PTCH2: variants seen among roughly 807,000 people sequenced by gnomAD.
PTCH2 encodes patched 2.
A neutral mutation model predicts 117.9 loss-of-function variants in PTCH2; 96 were observed. The observed-to-expected ratio is 0.81, with a 90% CI of 0.69 to 0.96. The LOEUF (loss-of-function observed/expected upper bound fraction) is 0.96, where lower values mean the gene tolerates loss of function less well. PTCH2 is among the 50% of genes least tolerant of loss of function. PTCH2 has a pLI of 0.00. For missense variants in PTCH2, 1,379 were observed against 1,562.5 expected, an observed-to-expected ratio of 0.88 and a Z score of 1.98; for synonymous variants, 615 against 660.9, an observed-to-expected ratio of 0.93 and a Z score of 1.06.
At chr1:44,825,084 A>G (rs184873357) in intron 19 of PTCH2, among the ~76,000 whole-genome samples, 115 of 152,210 alleles carry the variant, frequency 7.6e-4, no homozygotes, top group African/African-American at 2.7e-3. Flanking sequence ...ACTCCTCTCT[A>G]CTGAAATGGC....
At chr1:44,824,819 C>G (rs989939762) in intron 19 of PTCH2, among the ~76,000 whole-genome samples, 1 of 151,694 alleles carries the variant, frequency 6.6e-6, no homozygotes, top group Admixed American at 6.6e-5. Context: ...ATTACAGGCA[C>G]CTGCCACTAC....
chr1:44,829,116 C>A lies in PTCH2; in HGVS notation c.1371+41G>T, dbSNP rs748489694. The A allele has an allele frequency of 2.5e-5, 40 of 1,613,762 alleles. 1 individual carries two copies. In the South Asian group the frequency reaches 4.4e-4, roughly 18 times the overall value. ...GCGGGCAGCTGAGGACCCGTGAAGC[C>A]TGGTGACTGGCACTGAGTCTGCCCT... On this transcript the variant is annotated intron_variant, in intron 10 of 21. Transcript: ENST00000372192.
At position 44,827,595 on chromosome 1, in the gene PTCH2, G is replaced by T. The variant is rs1573645770; in HGVS notation, c.2178C>A (p.Phe726Leu). ...AGAAGTACCTGAGCTGGGCGCTCAG[G>T]AAGGCATGCTCCTTGGTGCCCCGAG... ...VVPRGTKEHA[F>L]LSAQLRYFSL... Residue 726 changes from phenylalanine (F) to leucine (L), a missense_variant, in exon 15 of 22, where the codon TTC becomes TTA. Coordinates refer to ENST00000372192, the MANE Select transcript of PTCH2 (RefSeq NM_003738.5). 1 of 1,614,066 alleles carries T rather than the reference G, an allele frequency of 6.2e-7. No homozygotes were observed. Among genetic ancestry groups the T allele is most frequent in the Non-Finnish European group, 8.5e-7 (1 of 1,180,036 alleles).
chr1:44,820,627 G>C (rs1398822490), downstream of PTCH2: 8 of 703,164 alleles, frequency 1.1e-5, no homozygotes, highest in Non-Finnish European at 1.6e-5. Flanking sequence ...GACCAATTCA[G>C]CCTGTCCAGA....
In PTCH2 at chr1:44,827,501, CAA is replaced by C. The variant is rs1653214537; in HGVS notation, c.2270_2271del (p.Phe757Ter). ...FDYAHSQRAL[F>X]DLHQRFSSLK... ...AGGGAACTGAAGCGCTGGTGCAGATCAAAGAGGGCGCGTTGGGAGTGGGCGTA... is the reference window on the plus strand; with the variant it reads ...AGGGAACTGAAGCGCTGGTGCAGATCAGAGGGCGCGTTGGGAGTGGGCGTA... On this transcript the variant is annotated frameshift_variant, in exon 15 of 22. Coordinates refer to ENST00000372192, the MANE Select transcript of PTCH2 (RefSeq NM_003738.5). LOFTEE classifies it high-confidence loss of function. 6.2e-7 allele frequency: 1 copy of C among 1,613,958 alleles called. No individual in the cohort carries two copies. Among genetic ancestry groups the C allele is most frequent in the Non-Finnish European group, 8.5e-7 (1 of 1,179,920 alleles).
intron 16 of PTCH2, 39 bp from the exon 17 acceptor site, chr1:44,827,121 G>C: frequency 1.2e-6 from 2 of 1,613,934 alleles, no homozygotes; most frequent in East Asian, 4.5e-5. Flanking sequence ...GGGCCCAGGA[G>C]GCCTGCAGCC....
At chr1:44,842,631 G>C (rs1470114520) in intron 1 of PTCH2, among the ~76,000 whole-genome samples, 1 of 152,112 alleles carries the variant, frequency 6.6e-6, no homozygotes, top group Non-Finnish European at 1.5e-5. Flanking sequence ...CCTGTCGTCG[G>C]GTGGACACAG....
chr1:44,833,289 C>A (rs1239952383), intron 2 of PTCH2, among the ~76,000 whole-genome samples: 1 of 152,098 alleles, frequency 6.6e-6, no homozygotes, highest in Admixed American at 6.5e-5. Flanking sequence ...GGAGGCTTTG[C>A]GGATTTGGTC....
Position 44,828,409 on chromosome 1 carries a change from G to A in PTCH2, c.1596C>T (p.Ala532=), listed in dbSNP as rs140921885. Residue 532 remains alanine, a synonymous_variant, in exon 13 of 22, where the codon GCC becomes GCT. Coordinates refer to ENST00000372192, the MANE Select transcript of PTCH2 (RefSeq NM_003738.5). ...CTACAAAGGTGCAGCCAACCACTAT[G>A]GCCGCCTGGGGGACGGACAGGAGGG... ...PALRAFSLQA[A]IVVGCTFVAV... is the part of the protein sequence containing the mutation. 1,158 of 1,614,158 alleles carry A rather than the reference G, an allele frequency of 7.2e-4. 1 individual carries two copies. Among genetic ancestry groups the A allele is most frequent in the Admixed American group, 1.1e-3 (67 of 60,028 alleles).
rs1401932849 is a variant in PTCH2, at chr1:44,826,491, G to A, written c.2973C>T (p.Leu991=). The A allele has an allele frequency of 1.2e-6, 2 of 1,613,908 alleles. No individual in the cohort carries two copies. Among genetic ancestry groups the A allele is most frequent in the East Asian group, 4.5e-5 (2 of 44,874 alleles). ...LLLLNPWTAG[L]IVLVLAMMTV... ...CCCCACTCCTGCAAGCACTCACTATGAGGCCAGCCGTCCAGGGGTTGAGGA... is the reference window on the plus strand; with the variant it reads ...CCCCACTCCTGCAAGCACTCACTATAAGGCCAGCCGTCCAGGGGTTGAGGA... Residue 991 remains leucine, a synonymous_variant, in exon 18 of 22, where the codon CTC becomes CTT. Transcript: ENST00000372192. This position sits in a 1 kb window ranked among gnomAD's most constrained non-coding sequence, Gnocchi z 5.1.
chr1:44,831,852 C>A lies in PTCH2; in HGVS notation c.526-55G>T, dbSNP rs1489053277. The stretch of plus-strand genomic sequence containing the variant: ...CCTGCCCCACAACCTTTGTAGGATG[C>A]CCTCTGCAATCCCCCTCCTTAGTTT... On this transcript the variant is annotated intron_variant, in intron 4 of 21. Transcript: ENST00000372192. The surrounding 1 kb of genome is among the most constrained non-coding windows in gnomAD (Gnocchi z 4.3). 1 of 1,589,374 alleles carries A rather than the reference C, an allele frequency of 6.3e-7. No homozygotes were observed. The highest frequency in any genetic ancestry group is 8.6e-7 in the Non-Finnish European group (1 of 1,157,718).
In PTCH2 at chr1:44,826,137, C is replaced by T. The variant is rs556039214; in HGVS notation, c.3114+113G>A. 172 of 1,410,174 alleles carry T rather than the reference C, an allele frequency of 1.2e-4. No homozygotes were observed. In the African/African-American group the frequency reaches 1.9e-3, roughly 15 times the overall value. 87.4% of individuals were successfully genotyped at this position (1,410,174 alleles called of 1,614,324 possible). On this transcript the variant is annotated intron_variant, in intron 19 of 21. Transcript: ENST00000372192. This position sits in a 1 kb window ranked among gnomAD's most constrained non-coding sequence, Gnocchi z 5.1. ...CTGGGATTACAGGAATGAGCTACCACGTCCACCCAGCCCAAATTCTTAAAT... is the reference window on the plus strand; with the variant it reads ...CTGGGATTACAGGAATGAGCTACCATGTCCACCCAGCCCAAATTCTTAAAT...
Position 44,831,721 on chromosome 1 carries a change from C to A in PTCH2, c.602G>T (p.Gly201Val). Residue 201 changes from glycine (G) to valine (V), a missense_variant, in exon 5 of 22, where the codon GGC (glycine) becomes GTC (valine). Gly to Val is a moderately radical substitution (Grantham distance 109). Transcript: ENST00000372192. This position sits in a 1 kb window ranked among gnomAD's most constrained non-coding sequence, Gnocchi z 4.3. ...TGGCACTCACGGCAGGTAGGCGGAG[C>A]CCCCTTGGAGTTTGGCTCCCTCCCA... ...CFWEGAKLQG[G>V]SAYLPGRPDI... 1 of 1,561,432 alleles carries A rather than the reference C, an allele frequency of 6.4e-7. No individual in the cohort carries two copies. Among genetic ancestry groups the A allele is most frequent in the Non-Finnish European group, 8.7e-7 (1 of 1,152,810 alleles).
At chr1:44,828,473 C>T (rs774677118) in intron 12 of PTCH2, 33 bp downstream of exon 12, 1 of 1,614,130 alleles carries the variant, frequency 6.2e-7, no homozygotes, top group South Asian at 1.1e-5. Context: ...AGCCCCACAC[C>T]CACCCTGAGC....
downstream of PTCH2, chr1:44,820,432 G>T (rs1419377274): frequency 1.5e-6 from 1 of 671,344 alleles, no homozygotes; most frequent in East Asian, 2.9e-5. Context: ...AGAGAGGGAC[G>T]GGGAAACAGA....
intron 19 of PTCH2, among the ~76,000 whole-genome samples, chr1:44,824,843 T>A (rs1484284903): frequency 1.3e-5 from 2 of 151,900 alleles, no homozygotes; most frequent in African/African-American, 4.8e-5. Context: ...TGGCTAATTT[T>A]TGTATTTTTA....
Position 44,837,181 on chromosome 1 carries a change from T to C in PTCH2, c.265+4666A>G, listed in dbSNP as rs72674056. 5.3e-3 allele frequency among the ~76,000 whole-genome samples: 800 copies of C among 152,296 alleles called. 7 individuals carry two copies. The highest frequency in any genetic ancestry group is 9.1e-3 in the Non-Finnish European group (622 of 68,014). On this transcript the variant is annotated intron_variant, in intron 2 of 21. Transcript: ENST00000372192. Reference sequence around the variant, plus strand: ...AGAATAATAAATCAATCTTCTTTCTTCCTTCTTCCCTTCTTCCTTTCCTTT... The same window carrying C: ...AGAATAATAAATCAATCTTCTTTCTCCCTTCTTCCCTTCTTCCTTTCCTTT...
rs1254272014 is a variant in PTCH2, at chr1:44,828,125, G to A, written c.1776C>T (p.Gly592=). ...GAACTGTGGCAGTGAGGTGGGCAAT[G>A]CCCACTGGTACTGTCCCGTCCCCCA... is the stretch of plus-strand genomic sequence containing the variant. ...QELGDGTVPV[G]IAHLTATVQA... The change falls in exon 14 of 22, where the codon GGC becomes GGT. Residue 592 remains glycine, a synonymous_variant. Coordinates refer to ENST00000372192, the MANE Select transcript of PTCH2 (RefSeq NM_003738.5). The A allele has an allele frequency of 6.2e-7, 1 of 1,614,030 alleles. No individual in the cohort carries two copies. Among genetic ancestry groups the A allele is most frequent in the Non-Finnish European group, 8.5e-7 (1 of 1,180,032 alleles).
intron 19 of PTCH2, among the ~76,000 whole-genome samples, chr1:44,824,240 T>C (rs910083273): frequency 6.6e-6 from 1 of 152,232 alleles, no homozygotes; most frequent in East Asian, 1.9e-4. Context: ...ATTCTTCTTT[T>C]GTACCTTTCT....
Sources: allele counts gnomAD v4.1 joint callset (sites outside exome capture counted in the v4.1 genomes callset), GRCh38; gene constraint gnomAD v4.1.1; non-coding constraint Gnocchi (gnomAD v3.1); transcripts MANE v1.5; gene names NCBI Gene and HGNC (gene_info 2026-07-23, HGNC 2026-07-21).